Variants in CABIN1 observed in about 807,000 individuals in gnomAD.
The protein encoded by CABIN1 is calcineurin-binding protein cabin-1.
CABIN1 carries 133 observed loss-of-function variants against 227.7 expected under a neutral mutation model. That is an observed-to-expected ratio of 0.58 (90% CI 0.51 to 0.67). The LOEUF (loss-of-function observed/expected upper bound fraction) is 0.67. Ranked by LOEUF, CABIN1 falls within the 30% of genes least tolerant of loss-of-function variation. CABIN1 has a pLI of 0.00. For missense variants in CABIN1, 2,408 were observed against 2,852.5 expected, an observed-to-expected ratio of 0.84 and a Z score of 3.55; for synonymous variants, 1,086 against 1,155.1, an observed-to-expected ratio of 0.94 and a Z score of 1.21.
At chr22:24,136,741 A>ACG (rs759959109) in intron 29 of CABIN1, among the ~76,000 whole-genome samples, 5 of 115,182 alleles carry the variant, frequency 4.3e-5, no homozygotes, top group African/African-American at 1.4e-4. Context: ...ACACACACGC[A>ACG]CACACACACA....
intron 29 of CABIN1, among the ~76,000 whole-genome samples, chr22:24,150,041 G>C (rs1304207328): frequency 6.6e-6 from 1 of 152,238 alleles, no homozygotes; most frequent in East Asian, 1.9e-4. Context: ...CGTTGTGGAG[G>C]CCTTTGACAT....
chr22:24,064,474 T>C (rs1217246889), intron 15 of CABIN1, among the ~76,000 whole-genome samples: 2 of 149,776 alleles, frequency 1.3e-5, no homozygotes, highest in East Asian at 2.0e-4. Context: ...CTCGCAGTGC[T>C]GGGATTACAG....
intron 13 of CABIN1, among the ~76,000 whole-genome samples, chr22:24,062,517 C>T (rs1265870238): frequency 6.6e-6 from 1 of 151,964 alleles, no homozygotes; most frequent in Non-Finnish European, 1.5e-5. Flanking sequence ...GCCACCATGC[C>T]TGGCTAATTT....
rs368981450 is a variant in CABIN1 at position 24,119,605 on chromosome 22, C to T, written c.4539C>T (p.Ile1513=). The change falls in exon 28 of 37, where the codon ATC becomes ATT. Residue 1513 remains isoleucine (I), a synonymous_variant. Transcript: ENST00000263119. ...GGCAGTTTCTCACAGAGCAGTGCATCGCCTCCTTCCGCCTGTGCCTGAGCC... is the reference window on the plus strand; with the variant it reads ...GGCAGTTTCTCACAGAGCAGTGCATTGCCTCCTTCCGCCTGTGCCTGAGCC... ...EQRQFLTEQC[I]ASFRLCLSRF... 12 of 1,613,624 alleles carry T rather than the reference C, an allele frequency of 7.4e-6. No homozygotes were observed. The highest frequency in any genetic ancestry group is 1.0e-5 in the Non-Finnish European group (12 of 1,179,898).
rs1273288324 is a variant in CABIN1, at chr22:24,097,994, C to T, written c.3939-20C>T. The T allele has an allele frequency of 1.2e-6, 2 of 1,614,094 alleles. No individual in the cohort carries two copies. Among genetic ancestry groups the T allele is most frequent in the Non-Finnish European group, 1.7e-6 (2 of 1,180,004 alleles). On this transcript the variant is annotated intron_variant, in intron 25 of 36. Transcript: ENST00000263119. ...TGAGGTGGAGACTCTGACCTGTGCCCCAAACCTCTGTTCCCACAGGGAGAA... is the reference window on the plus strand; with the variant it reads ...TGAGGTGGAGACTCTGACCTGTGCCTCAAACCTCTGTTCCCACAGGGAGAA...
Position 24,171,717 on chromosome 22 carries a change from CG to C in CABIN1, c.5767del (p.Asp1923ThrfsTer19), listed in dbSNP as rs1569321353. On this transcript the variant is annotated frameshift_variant, in exon 34 of 37. Transcript: ENST00000263119. LOFTEE classifies it high-confidence loss of function. ...HLGAAAQRQA[S>X]GDTPTTPKHP... ...ACCTCTTGTTTGTCCTCACAGGCCT[CG>C]GGGGACACCCCCACCACTCCAAAGC... 6.2e-7 allele frequency: 1 copy of C among 1,614,066 alleles called. No individual in the cohort carries two copies. The highest frequency in any genetic ancestry group is 2.2e-5 in the East Asian group (1 of 44,878).
At chr22:24,127,887 AAC>A (rs1271247532) in intron 28 of CABIN1, among the ~76,000 whole-genome samples, 2 of 152,148 alleles carry the variant, frequency 1.3e-5, no homozygotes, top group African/African-American at 4.8e-5. Flanking sequence ...AATAACGTAG[AAC>A]AGAGTTCCCT....
intron 26 of CABIN1, among the ~76,000 whole-genome samples, chr22:24,110,775 T>G (rs1466173096): frequency 6.6e-6 from 1 of 152,224 alleles, no homozygotes; most frequent in East Asian, 1.9e-4. Context: ...ATTCTTAACT[T>G]TGTCCCTCTG....
intron 1 of CABIN1, among the ~76,000 whole-genome samples, chr22:24,025,204 A>G (rs1313733236): frequency 6.6e-6 from 1 of 152,130 alleles, no homozygotes. Flanking sequence ...GCAGCCATCA[A>G]TTTTTGACTT....
chr22:24,143,567 G>A (rs1021237335), intron 29 of CABIN1, among the ~76,000 whole-genome samples: 2 of 152,192 alleles, frequency 1.3e-5, no homozygotes, highest in Non-Finnish European at 2.9e-5. Context: ...AGTGACAATG[G>A]AGGATGCTAC....
chr22:24,060,185 GGC>G, intron 12 of CABIN1, 44 bp downstream of exon 12: 1 of 1,556,968 alleles, frequency 6.4e-7, no homozygotes, highest in Non-Finnish European at 8.8e-7. Flanking sequence ...CTGGGACCAG[GGC>G]ATGGGGACAG....
chr22:24,028,322 T>C (rs1337412440), intron 1 of CABIN1, among the ~76,000 whole-genome samples: 2 of 152,032 alleles, frequency 1.3e-5, no homozygotes, highest in Non-Finnish European at 2.9e-5. Flanking sequence ...AAAAATGAAG[T>C]GTGTCAAAAA....
intron 7 of CABIN1, among the ~76,000 whole-genome samples, chr22:24,049,833 T>C (rs923936650): frequency 6.6e-6 from 1 of 152,048 alleles, no homozygotes; most frequent in African/African-American, 2.4e-5. Context: ...CATGCCATCT[T>C]CCCACCTCTC....
intron 1 of CABIN1, among the ~76,000 whole-genome samples, chr22:24,027,867 T>C (rs968990206): frequency 1.3e-5 from 2 of 152,190 alleles, no homozygotes; most frequent in South Asian, 2.1e-4. Context: ...GGCTCAGATA[T>C]TCTGTTATAG....
chr22:24,035,182 G>A (rs138378139), intron 1 of CABIN1, among the ~76,000 whole-genome samples: 15 of 152,316 alleles, frequency 9.8e-5, no homozygotes, highest in African/African-American at 3.1e-4. Context: ...TGTTACCTCT[G>A]CTAGCAGTGA....
intron 28 of CABIN1, among the ~76,000 whole-genome samples, chr22:24,123,043 A>G (rs538788441): frequency 6.6e-6 from 1 of 152,086 alleles, no homozygotes; most frequent in Non-Finnish European, 1.5e-5. Context: ...GTCCACACTC[A>G]TAGTTTGCCA....
Position 24,059,298 on chromosome 22 carries a change from T to C in CABIN1, c.1334T>C (p.Leu445Pro), listed in dbSNP as rs2039023850. Residue 445 changes from leucine (L) to proline (P), a missense_variant, in exon 11 of 37, where the codon CTG (leucine) becomes CCG (proline). Physicochemically the swap from Leu to Pro is moderately conservative, Grantham distance 98. This residue lies in a region of CABIN1 where 1,045 missense variants were observed against 1,168.4 expected (regional missense o/e 0.89). Coordinates refer to ENST00000263119, the MANE Select transcript of CABIN1 (RefSeq NM_012295.4). ...NNYEVQSEAK[L>P]ESFPSIGPQR... ...TATGAAGTCCAGTCAGAAGCCAAAC[T>C]GGAAAGCTTCCCAAGCATTGGGCCT... is the stretch of plus-strand genomic sequence containing the variant. 7.4e-6 allele frequency: 12 copies of C among 1,614,214 alleles called. No individual in the cohort carries two copies. The highest frequency in any genetic ancestry group is 1.0e-5 in the Non-Finnish European group (12 of 1,180,026).
rs780082425 is a variant in CABIN1 at position 24,178,062 on chromosome 22, C to T, written c.6529C>T (p.Leu2177Phe). The T allele has an allele frequency of 4.3e-6, 7 of 1,613,738 alleles. No individual in the cohort carries two copies. Among genetic ancestry groups the T allele is most frequent in the South Asian group, 1.1e-5 (1 of 91,076 alleles). The part of the protein sequence containing the change: ...ETKQKLKSAI[L>F]SAQSAANVRK... ...CCGGCCCTCTCCGCAGTCAGCCATCCTTTCTGCCCAGTCTGCTGCCAACGT... is the reference window on the plus strand; with the variant it reads ...CCGGCCCTCTCCGCAGTCAGCCATCTTTTCTGCCCAGTCTGCTGCCAACGT... The change falls in exon 37 of 37, where the codon CTT becomes TTT. Residue 2177 changes from leucine to phenylalanine, a missense_variant. By Grantham distance (22) the Leu-to-Phe change is conservative. This residue lies in a region of CABIN1 where 714 missense variants were observed against 773.8 expected (regional missense o/e 0.92). Transcript: ENST00000263119.
At chr22:24,071,314 C>T (rs1441994623) in intron 17 of CABIN1, 2 of 501,350 alleles carry the variant, frequency 4.0e-6, no homozygotes, top group African/African-American at 1.9e-5. Flanking sequence ...GAAGAAATAA[C>T]CTCACGGGGA....
Sources: gnomAD v4.1 joint callset for allele counts (sites outside exome capture counted in the v4.1 genomes callset) on GRCh38, gnomAD v4.1.1 for gene constraint, gnomAD v4.1.1 regional missense constraint, MANE v1.5 for transcripts, NCBI Gene and HGNC (gene_info 2026-07-23, HGNC 2026-07-21) for gene names.